The following SHROOM3 variants were observed in gnomAD, a reference collection of about 807,000 sequenced individuals.
The protein encoded by SHROOM3 is protein Shroom3.
A neutral mutation model predicts 138.6 loss-of-function variants in SHROOM3; 47 were observed. The observed-to-expected ratio is 0.34, with a 90% CI of 0.27 to 0.43. SHROOM3 has a LOEUF of 0.43. Ranked by LOEUF, SHROOM3 falls within the 20% of genes least tolerant of loss-of-function variation. SHROOM3 has a pLI of 1.00. For synonymous variants in SHROOM3, 1,062 were observed against 1,063.3 expected (o/e 1.00, Z 0.02); for missense variants, 2,491 against 2,596.5 (o/e 0.96, Z 0.88).
At chr4:76,539,316 A>G (rs1733046705) in intron 1 of SHROOM3, among the ~76,000 whole-genome samples, 1 of 152,066 alleles carries the variant, frequency 6.6e-6, no homozygotes, top group Admixed American at 6.5e-5. Flanking sequence ...TATCATGTCC[A>G]GGGTCTGGGT....
intron 2 of SHROOM3, among the ~76,000 whole-genome samples, chr4:76,568,513 C>G (rs1733773637): frequency 1.3e-5 from 2 of 152,172 alleles, no homozygotes; most frequent in Non-Finnish European, 2.9e-5. Context: ...GTATCCCCCA[C>G]CAAAGAAGGA....
chr4:76,649,206 T>C (rs982244799), intron 2 of SHROOM3, among the ~76,000 whole-genome samples: 12 of 152,190 alleles, frequency 7.9e-5, no homozygotes, highest in Non-Finnish European at 1.6e-4. Context: ...ATGTGTGATA[T>C]GGTTTCTTCT....
rs571574931 is a variant in SHROOM3 at position 76,562,957 on chromosome 4, A to G, written c.323+7194A>G. On this transcript the variant is annotated intron_variant, in intron 2 of 10. Transcript: ENST00000296043. ...CAGATTGTGTAGCACGAAGGTGCCA[A>G]TTCTCAGATATGAAATTGCAAACAG... Among the ~76,000 whole-genome samples the G allele has an allele frequency of 3.3e-5, 5 of 152,278 alleles. No homozygotes were observed. In the East Asian group the frequency reaches 5.8e-4, roughly 18 times the overall value.
chr4:76,746,825 TTATTA>T (rs1373621794), intron 5 of SHROOM3, among the ~76,000 whole-genome samples: 1 of 129,370 alleles, frequency 7.7e-6, no homozygotes, highest in Non-Finnish European at 1.6e-5. Flanking sequence ...ATTATTATTA[TTATTA>T]TTTTGAGACG....
rs778839339 is a variant in SHROOM3, at chr4:76,781,681, C to A, written c.*2504C>A. The A allele has an allele frequency of 4.6e-5, 7 of 152,190 alleles. No individual in the cohort carries two copies. The highest frequency in any genetic ancestry group is 1.0e-4 in the Non-Finnish European group (7 of 68,038). The allele number at this position is 152,190 out of a possible 1,614,324, so 9.4% of individuals were successfully genotyped here. ...CTCTGTACTTTAAAGAAATCACTAA[C>A]CAAATTTTCAAAGTTTCCTTTTAAA... On this transcript the variant is annotated 3_prime_UTR_variant, in exon 11 of 11. Coordinates refer to ENST00000296043, the MANE Select transcript of SHROOM3 (RefSeq NM_020859.4).
chr4:76,570,510 C>A (rs1412464814), intron 2 of SHROOM3, among the ~76,000 whole-genome samples: 1 of 152,186 alleles, frequency 6.6e-6, no homozygotes, highest in Non-Finnish European at 1.5e-5. Flanking sequence ...CTTTCCATCA[C>A]TGTCTCAAAG....
intron 3 of SHROOM3, among the ~76,000 whole-genome samples, chr4:76,717,069 A>G (rs530764947): frequency 6.6e-6 from 1 of 152,348 alleles, no homozygotes; most frequent in Admixed American, 6.5e-5. Context: ...ACTTCTTTCA[A>G]CACTTTTGAA....
chr4:76,567,422 G>T (rs959239065), intron 2 of SHROOM3, among the ~76,000 whole-genome samples: 1 of 152,118 alleles, frequency 6.6e-6, no homozygotes, highest in Non-Finnish European at 1.5e-5. Context: ...AGTCCAAGGC[G>T]GGTGAATCAT....
chr4:76,688,850 C>T, intron 2 of SHROOM3: 1 of 985,304 alleles, frequency 1.0e-6, no homozygotes, highest in Non-Finnish European at 1.2e-6. Context: ...CAAAAACAGG[C>T]CCGGAAGGAA....
intron 3 of SHROOM3, among the ~76,000 whole-genome samples, chr4:76,727,253 CT>C (rs1720735701): frequency 6.6e-6 from 1 of 152,120 alleles, no homozygotes. Flanking sequence ...TGAGGCTGGG[CT>C]TTTGCTATGT....
chr4:76,487,914 C>A (rs1300548570), intron 1 of SHROOM3, among the ~76,000 whole-genome samples: 1 of 152,170 alleles, frequency 6.6e-6, no homozygotes, highest in African/African-American at 2.4e-5. Flanking sequence ...ATTAGTGTCA[C>A]TTACAGAGCT....
At chr4:76,454,625 A>C (rs1432674304) in intron 1 of SHROOM3, among the ~76,000 whole-genome samples, 2 of 152,194 alleles carry the variant, frequency 1.3e-5, no homozygotes, top group Non-Finnish European at 2.9e-5. Flanking sequence ...GTCTTCTTAA[A>C]GTGTTTTTTT....
intron 3 of SHROOM3, among the ~76,000 whole-genome samples, chr4:76,728,204 A>T (rs941378831): frequency 2.0e-5 from 3 of 152,134 alleles, no homozygotes; most frequent in African/African-American, 7.2e-5. Flanking sequence ...CTGTTATTGA[A>T]GATTAGAGAG....
chr4:76,773,195 C>T (rs564591554), intron 10 of SHROOM3, among the ~76,000 whole-genome samples: 63 of 151,974 alleles, frequency 4.1e-4, no homozygotes, highest in African/African-American at 1.3e-3. Context: ...GCCAACATGG[C>T]AAAACCTCCT....
Position 76,604,000 on chromosome 4 carries a change from A to G in SHROOM3, c.323+48237A>G, listed in dbSNP as rs537333541. On this transcript the variant is annotated intron_variant, in intron 2 of 10. Transcript: ENST00000296043. Reference sequence around the variant, plus strand: ...TGGGATTACAAGCACCTGCCACCCCATCTCTTAGTAGAGATGGGGTTTCAC... The same window carrying G: ...TGGGATTACAAGCACCTGCCACCCCGTCTCTTAGTAGAGATGGGGTTTCAC... Among the ~76,000 whole-genome samples, 12 of 151,402 alleles carry G rather than the reference A, an allele frequency of 7.9e-5. No homozygotes were observed. In the East Asian group the frequency reaches 2.1e-3, roughly 27 times the overall value.
intron 1 of SHROOM3, among the ~76,000 whole-genome samples, chr4:76,484,501 T>C (rs1731687012): frequency 1.3e-5 from 2 of 151,884 alleles, no homozygotes; most frequent in Non-Finnish European, 2.9e-5. Context: ...AGCCCAGGAG[T>C]TGGAGACTAT....
chr4:76,711,145 C>T (rs1048410147), intron 3 of SHROOM3, among the ~76,000 whole-genome samples: 15 of 152,108 alleles, frequency 9.9e-5, no homozygotes, highest in Admixed American at 6.5e-4. Context: ...TAGTATGATA[C>T]GGGGAGTAAG....
chr4:76,616,770 A>G (rs1734891033), intron 2 of SHROOM3, among the ~76,000 whole-genome samples: 1 of 152,172 alleles, frequency 6.6e-6, no homozygotes, highest in East Asian at 1.9e-4. Context: ...GGATGCAGCA[A>G]TATGTTTGCA....
intron 1 of SHROOM3, among the ~76,000 whole-genome samples, chr4:76,552,071 C>A (rs553945205): frequency 1.3e-5 from 2 of 148,928 alleles, no homozygotes; most frequent in Admixed American, 6.7e-5. Context: ...CCGTGTTAGC[C>A]AGGATGGACT....
Sources: gnomAD v4.1 joint callset for allele counts (sites outside exome capture counted in the v4.1 genomes callset) on GRCh38, gnomAD v4.1.1 for gene constraint, MANE v1.5 for transcripts, NCBI Gene and HGNC (gene_info 2026-07-23, HGNC 2026-07-21) for gene names.